Variants in PI4KA observed in about 807,000 individuals in gnomAD.
The protein encoded by PI4KA is PI4-kinase alpha.
PI4KA carries 122 observed loss-of-function variants against 271.4 expected under a neutral mutation model. The observed-to-expected ratio is 0.45, with a 90% CI of 0.39 to 0.52. PI4KA has a LOEUF of 0.52. PI4KA is among the 20% of genes least tolerant of loss of function. PI4KA has a pLI of 0.00. For synonymous variants in PI4KA, 1,041 were observed against 1,078.8 expected (o/e 0.96, Z 0.69); for missense variants, 1,969 against 2,769.1 (o/e 0.71, Z 6.48).
intron 43 of PI4KA, 122 bp downstream of exon 43, chr22:20,721,176 G>T (rs1236269605): frequency 3.2e-6 from 3 of 946,484 alleles, no homozygotes; most frequent in African/African-American, 1.6e-5. Flanking sequence ...AGCAAAGGGT[G>T]GGAGTGGAGG....
Position 20,764,880 on chromosome 22 carries a change from A to T in PI4KA, c.2645T>A (p.Ile882Asn). The T allele has an allele frequency of 6.2e-7, 1 of 1,613,738 alleles. No individual in the cohort carries two copies. The highest frequency in any genetic ancestry group is 8.5e-7 in the Non-Finnish European group (1 of 1,179,814). Residue 882 changes from isoleucine to asparagine, a missense_variant, in exon 22 of 55, where the codon ATC becomes AAC. Physicochemically the swap from Ile to Asn is moderately radical, Grantham distance 149. This residue lies in a region of PI4KA where 368 missense variants were observed against 544.3 expected (regional missense o/e 0.68). Transcript: ENST00000255882. Reference sequence around the variant, plus strand: ...GGACATGGCGAAGTCCAGCTTGTTGATGAGTGCGGACACCTCGGGAGGGGG... The same window carrying T: ...GGACATGGCGAAGTCCAGCTTGTTGTTGAGTGCGGACACCTCGGGAGGGGG... ...LDPPPEVSAL[I>N]NKLDFAMSTY...
intron 7 of PI4KA, among the ~76,000 whole-genome samples, chr22:20,815,506 G>A (rs1205736305): frequency 6.6e-6 from 1 of 151,814 alleles, no homozygotes; most frequent in Non-Finnish European, 1.5e-5. Flanking sequence ...TAAATTTTAT[G>A]ACTTTTTCAA....
In PI4KA at chr22:20,793,200, A is replaced by G. The variant is rs776335752; in HGVS notation, c.2321T>C (p.Ile774Thr). Residue 774 changes from isoleucine (I) to threonine (T), a missense_variant, in exon 19 of 55, where the codon ATA becomes ACA. Transcript: ENST00000255882. ...CAATTAATGAATACTCACCACAGCT[A>G]TTACAGGAATGAGTACTCCCAAGTT... ...AGNLGVLIPV[I>T]AVLTRRLPPI... The G allele has an allele frequency of 3.2e-6, 5 of 1,553,860 alleles. No individual in the cohort carries two copies. The highest frequency in any genetic ancestry group is 1.4e-5 in the African/African-American group (1 of 73,680).
At chr22:20,724,298 T>G (rs1927092352) in intron 42 of PI4KA, among the ~76,000 whole-genome samples, 1 of 143,972 alleles carries the variant, frequency 6.9e-6, no homozygotes, top group Admixed American at 7.0e-5. Flanking sequence ...AGAGCGAAAC[T>G]CTGTCTAAAA....
intron 1 of PI4KA, among the ~76,000 whole-genome samples, chr22:20,847,493 G>A (rs1306593472): frequency 6.6e-6 from 1 of 152,122 alleles, no homozygotes; most frequent in African/African-American, 2.4e-5. Flanking sequence ...GGGAGGCTGA[G>A]GCGGGTGGAT....
chr22:20,777,632 G>GT (rs1180097639), intron 19 of PI4KA, among the ~76,000 whole-genome samples: 1 of 152,216 alleles, frequency 6.6e-6, no homozygotes, highest in Non-Finnish European at 1.5e-5. Context: ...GATTATAGGC[G>GT]TAAGCCACAG....
At chr22:20,731,201 T>C (rs1928004811) in intron 36 of PI4KA, among the ~76,000 whole-genome samples, 1 of 152,056 alleles carries the variant, frequency 6.6e-6, no homozygotes, top group South Asian at 2.1e-4. Flanking sequence ...GAAAATAAAA[T>C]AGAATAAAAC....
intron 50 of PI4KA, 113 bp from the exon 51 acceptor site, chr22:20,711,574 C>T (rs1441348676): frequency 4.2e-6 from 5 of 1,197,840 alleles, no homozygotes; most frequent in Non-Finnish European, 4.8e-6. Context: ...TCTGTACCCC[C>T]ACTGTGGAAG....
chr22:20,772,095 CTCATT>C (rs1314284239), intron 19 of PI4KA, among the ~76,000 whole-genome samples: 2 of 152,200 alleles, frequency 1.3e-5, no homozygotes, highest in Non-Finnish European at 2.9e-5. Flanking sequence ...ATTTAATTTT[CTCATT>C]TAATTAATGA....
At chr22:20,854,401 G>T (rs1016508771) in intron 1 of PI4KA, among the ~76,000 whole-genome samples, 1 of 152,146 alleles carries the variant, frequency 6.6e-6, no homozygotes, top group Non-Finnish European at 1.5e-5. Flanking sequence ...GATTACAGGC[G>T]TGAGTCACTG....
At chr22:20,739,573 A>G (rs900227552) in intron 32 of PI4KA, among the ~76,000 whole-genome samples, 10 of 152,090 alleles carry the variant, frequency 6.6e-5, no homozygotes, top group Non-Finnish European at 1.5e-4. Context: ...TACAATGTCC[A>G]GTATAGAAAC....
chr22:20,737,408 GC>G (rs554667076), intron 32 of PI4KA, among the ~76,000 whole-genome samples: 210 of 152,192 alleles, frequency 1.4e-3, no homozygotes, highest in African/African-American at 4.7e-3. Context: ...TACTCCAACT[GC>G]CCTGCCCCCA....
Position 20,757,967 on chromosome 22 carries a change from G to A in PI4KA, c.2791+3337C>T, listed in dbSNP as rs1042424300. ...GTCTCTCTCCTAGAACCAAAGAATC[G>A]CAGGGTGGGCCAATTGTCTAGCACA... On this transcript the variant is annotated intron_variant, in intron 23 of 54. Coordinates refer to ENST00000255882, the MANE Select transcript of PI4KA (RefSeq NM_058004.4). Among the ~76,000 whole-genome samples the A allele has an allele frequency of 4.6e-5, 7 of 152,200 alleles. No individual in the cohort carries two copies. In the South Asian group the frequency reaches 6.2e-4, roughly 14 times the overall value.
intron 32 of PI4KA, among the ~76,000 whole-genome samples, chr22:20,740,801 A>G (rs1310694024): frequency 6.6e-6 from 1 of 152,224 alleles, no homozygotes; most frequent in East Asian, 1.9e-4. Flanking sequence ...ATAGAAGATA[A>G]TATCTGAAAT....
Position 20,858,756 on chromosome 22 carries a change from C to T in PI4KA, c.-31G>A. Reference sequence around the variant, plus strand: ...CACGAGCCGCGGCGCTGCCCGCCGGCTCCCCGCTCCTGGCCCGCGAGCGCC... The same window carrying T: ...CACGAGCCGCGGCGCTGCCCGCCGGTTCCCCGCTCCTGGCCCGCGAGCGCC... On this transcript the variant is annotated 5_prime_UTR_variant, in exon 1 of 55. Transcript: ENST00000255882. 1 of 1,367,758 alleles carries T rather than the reference C, an allele frequency of 7.3e-7. No homozygotes were observed. 84.7% of individuals were successfully genotyped at this position (1,367,758 alleles called of 1,614,324 possible). A position where few individuals can be genotyped will look rare whatever the true frequency, so the allele number is the denominator to read the frequency against.
At chr22:20,846,446 A>C (rs1184124807) in intron 1 of PI4KA, among the ~76,000 whole-genome samples, 5 of 152,120 alleles carry the variant, frequency 3.3e-5, no homozygotes, top group Non-Finnish European at 7.4e-5. Flanking sequence ...CAAATACTGC[A>C]CGTTCTCAAT....
chr22:20,756,516 G>A (rs1931324496), intron 23 of PI4KA, among the ~76,000 whole-genome samples: 1 of 152,036 alleles, frequency 6.6e-6, no homozygotes, highest in Non-Finnish European at 1.5e-5. Context: ...CACCACACCT[G>A]GCCTAGTATA....
intron 18 of PI4KA, among the ~76,000 whole-genome samples, chr22:20,795,408 C>T (rs2147567764): frequency 6.6e-6 from 1 of 152,100 alleles, no homozygotes; most frequent in South Asian, 2.1e-4. Flanking sequence ...GACCCAACCC[C>T]AGCCAATAAA....
At chr22:20,853,839 C>T (rs999144289) in intron 1 of PI4KA, among the ~76,000 whole-genome samples, 1 of 151,352 alleles carries the variant, frequency 6.6e-6, no homozygotes, top group Non-Finnish European at 1.5e-5. Flanking sequence ...CTTTGGGAGG[C>T]GAAGGCAGGA....
Sources: allele counts gnomAD v4.1 joint callset (sites outside exome capture counted in the v4.1 genomes callset), GRCh38; gene constraint gnomAD v4.1.1; regional missense constraint gnomAD v4.1.1; transcripts MANE v1.5; gene names NCBI Gene and HGNC (gene_info 2026-07-23, HGNC 2026-07-21).